Variants in PARD3B observed in about 807,000 individuals in gnomAD.
The protein encoded by PARD3B is par-3 family cell polarity regulator beta, also known as partitioning defective 3 homolog B.
A neutral mutation model predicts 130.2 loss-of-function variants in PARD3B; 103 were observed. The ratio of observed to expected loss-of-function variants is 0.79; its 90% CI spans 0.67 to 0.93. The LOEUF (loss-of-function observed/expected upper bound fraction) is 0.93. PARD3B is among the 40% of genes least tolerant of loss of function. The pLI is 0.00. For missense variants in PARD3B, 1,609 were observed against 1,499.2 expected (o/e 1.07, Z -1.21); for synonymous variants, 583 against 553.2 (o/e 1.05, Z -0.76).
At chr2:204,603,336 T>C (rs1347448086) in intron 1 of PARD3B, among the ~76,000 whole-genome samples, 1 of 152,172 alleles carries the variant, frequency 6.6e-6, no homozygotes, top group African/African-American at 2.4e-5. Context: ...TTAGCTGCAG[T>C]TGAAGTAATT....
At chr2:204,805,606 C>A (rs1200584503) in intron 2 of PARD3B, among the ~76,000 whole-genome samples, 1 of 151,808 alleles carries the variant, frequency 6.6e-6, no homozygotes, top group Non-Finnish European at 1.5e-5. Context: ...AAATACAAAT[C>A]AAAAAAGAAA....
intron 15 of PARD3B, among the ~76,000 whole-genome samples, chr2:205,221,576 A>G (rs185898045): frequency 6.6e-6 from 1 of 152,086 alleles, no homozygotes; most frequent in African/African-American, 2.4e-5. Flanking sequence ...TGTTGGCCTG[A>G]TCCTACACTA....
intron 3 of PARD3B, among the ~76,000 whole-genome samples, chr2:205,012,777 A>G (rs1219130352): frequency 1.3e-5 from 2 of 152,228 alleles, no homozygotes; most frequent in Non-Finnish European, 2.9e-5. Flanking sequence ...CATTGTTGGA[A>G]TCATGGAAAG....
At chr2:205,153,632 C>G (rs2033911298) in intron 10 of PARD3B, among the ~76,000 whole-genome samples, 1 of 152,202 alleles carries the variant, frequency 6.6e-6, no homozygotes, top group Non-Finnish European at 1.5e-5. Flanking sequence ...ATCACGCTAC[C>G]TGACTTCAAA....
In PARD3B at chr2:205,421,929, A is replaced by G. The variant is rs2046985863; in HGVS notation, c.2742-18441A>G. 6.6e-6 allele frequency among the ~76,000 whole-genome samples: 1 copy of G among 152,084 alleles called. No homozygotes were observed. The highest frequency in any genetic ancestry group is 1.5e-5 in the Non-Finnish European group (1 of 68,030). ...CTCAGACCTTGCTTTGTCTGTTTCCATCATCACATTATTGAGTGCCTACTG... is the reference window on the plus strand; with the variant it reads ...CTCAGACCTTGCTTTGTCTGTTTCCGTCATCACATTATTGAGTGCCTACTG... On this transcript the variant is annotated intron_variant, in intron 19 of 22. Transcript: ENST00000406610. The surrounding 1 kb of genome is among the most constrained non-coding windows in gnomAD (Gnocchi z 5.1).
At chr2:204,577,794 C>T (rs760327208) in intron 1 of PARD3B, among the ~76,000 whole-genome samples, 4 of 152,064 alleles carry the variant, frequency 2.6e-5, no homozygotes, top group Non-Finnish European at 5.9e-5. Flanking sequence ...TCTCAAACTC[C>T]TGGCCTCAAG....
At chr2:204,875,056 T>C (rs2045782921) in intron 2 of PARD3B, among the ~76,000 whole-genome samples, 1 of 152,200 alleles carries the variant, frequency 6.6e-6, no homozygotes. Flanking sequence ...ATTTGATCTT[T>C]TTATGCTTTT....
intron 3 of PARD3B, among the ~76,000 whole-genome samples, chr2:205,036,560 G>A (rs993992842): frequency 2.1e-4 from 30 of 144,662 alleles, no homozygotes; most frequent in Non-Finnish European, 3.5e-4. Flanking sequence ...TATACACAGC[G>A]GACTATATGT....
At chr2:205,354,210 TA>T (rs542918462) in intron 18 of PARD3B, among the ~76,000 whole-genome samples, 1 of 151,406 alleles carries the variant, frequency 6.6e-6, no homozygotes, top group African/African-American at 2.4e-5. Flanking sequence ...AGCTAATTTT[TA>T]AAAAATCTTT....
At chr2:204,559,567 G>A (rs574991619) in intron 1 of PARD3B, among the ~76,000 whole-genome samples, 2 of 152,316 alleles carry the variant, frequency 1.3e-5, no homozygotes, top group Admixed American at 6.5e-5. Context: ...TGGAGAAATA[G>A]GAATGCTATT....
intron 11 of PARD3B, among the ~76,000 whole-genome samples, chr2:205,166,353 G>A (rs898340679): frequency 6.6e-6 from 1 of 152,140 alleles, no homozygotes; most frequent in Non-Finnish European, 1.5e-5. Flanking sequence ...AGACTTTGAA[G>A]AGGTGAGCAG....
In PARD3B at chr2:205,287,422, T is replaced by G. The variant is rs1313957959; in HGVS notation, c.2186-13108T>G. ...TTCTGGTTCCTCTCTTCAGACTTGA[T>G]TCTTACAGAAAAGCAAGATGGCTGC... On this transcript the variant is annotated intron_variant, in intron 16 of 22. Transcript: ENST00000406610. The surrounding 1 kb of genome is among the most constrained non-coding windows in gnomAD (Gnocchi z 4.8). 1.3e-5 allele frequency among the ~76,000 whole-genome samples: 2 copies of G among 152,174 alleles called. No individual in the cohort carries two copies. The highest frequency in any genetic ancestry group is 4.8e-5 in the African/African-American group (2 of 41,446).
intron 18 of PARD3B, among the ~76,000 whole-genome samples, chr2:205,376,620 C>T (rs1429364448): frequency 1.3e-5 from 2 of 152,158 alleles, no homozygotes; most frequent in East Asian, 1.9e-4. Context: ...TGTTCAAGTA[C>T]TGCATGCAAC....
chr2:204,683,937 C>T lies in PARD3B; in HGVS notation c.121-2244C>T, dbSNP rs148422709. Among the ~76,000 whole-genome samples the T allele has an allele frequency of 3.5e-3, 530 of 152,174 alleles. 5 individuals carry two copies. The highest frequency in any genetic ancestry group is 0.012 in the African/African-American group (499 of 41,508). ...GAGAACAGTGTCTTAGTTTCAACTCCGTGTCTTATTTTCCACAATGTCTTG... is the reference window on the plus strand; with the variant it reads ...GAGAACAGTGTCTTAGTTTCAACTCTGTGTCTTATTTTCCACAATGTCTTG... On this transcript the variant is annotated intron_variant, in intron 1 of 22. Transcript: ENST00000406610.
chr2:205,435,436 G>T (rs1215451652), intron 19 of PARD3B, among the ~76,000 whole-genome samples: 3 of 151,876 alleles, frequency 2.0e-5, no homozygotes, highest in Non-Finnish European at 2.9e-5. Context: ...TTATAATAAA[G>T]AAATTTATTC....
rs946369226 is a variant in PARD3B, at chr2:205,341,178, G to T, written c.2630+39477G>T. 3.3e-5 allele frequency among the ~76,000 whole-genome samples: 5 copies of T among 152,118 alleles called. No individual in the cohort carries two copies. The highest frequency in any genetic ancestry group is 1.2e-4 in the African/African-American group (5 of 41,450). On this transcript the variant is annotated intron_variant, in intron 18 of 22. Transcript: ENST00000406610. The surrounding 1 kb of genome is among the most constrained non-coding windows in gnomAD (Gnocchi z 4.3). ...ATTAGTAGAACCATTATGGGAAACA[G>T]TATAGTGGTTTAAAATCTATATTAA...
intron 10 of PARD3B, among the ~76,000 whole-genome samples, chr2:205,127,722 G>C (rs1202908857): frequency 6.6e-6 from 1 of 152,022 alleles, no homozygotes; most frequent in Non-Finnish European, 1.5e-5. Context: ...TAACAAAATA[G>C]GGAAAATAAG....
chr2:205,271,630 A>G (rs1231077390), intron 16 of PARD3B, among the ~76,000 whole-genome samples: 1 of 152,170 alleles, frequency 6.6e-6, no homozygotes, highest in Non-Finnish European at 1.5e-5. Flanking sequence ...GTAGTTGTGA[A>G]TCTTCATTTT....
At chr2:205,081,158 G>A (rs1701382437) in intron 4 of PARD3B, among the ~76,000 whole-genome samples, 1 of 151,826 alleles carries the variant, frequency 6.6e-6, no homozygotes, top group Non-Finnish European at 1.5e-5. Context: ...TTTATGGATG[G>A]TGCTTTTATA....
Sources: gnomAD v4.1 joint callset for allele counts (sites outside exome capture counted in the v4.1 genomes callset) on GRCh38, gnomAD v4.1.1 for gene constraint, Gnocchi (gnomAD v3.1) non-coding constraint, MANE v1.5 for transcripts, NCBI Gene and HGNC (gene_info 2026-07-23, HGNC 2026-07-21) for gene names.